HTR1F: variants seen among roughly 807,000 people sequenced by gnomAD.
The protein encoded by HTR1F is 5-hydroxytryptamine receptor 1F.
A neutral mutation model predicts 24.0 loss-of-function variants in HTR1F; 17 were observed. That is an observed-to-expected ratio of 0.71 (90% CI 0.48 to 1.06). The LOEUF is 1.06. Ranked by LOEUF, HTR1F falls within the 50% of genes least tolerant of loss-of-function variation. The pLI, the probability that HTR1F is intolerant of heterozygous loss-of-function variation, is 0.00. For synonymous variants in HTR1F, 186 were observed against 156.8 expected, an observed-to-expected ratio of 1.19 and a Z score of -1.39; for missense variants, 391 against 427.8, an observed-to-expected ratio of 0.91 and a Z score of 0.76.
intron 2 of HTR1F, among the ~76,000 whole-genome samples, chr3:87,987,615 AAT>A (rs10662382): frequency 1.5e-4 from 17 of 110,538 alleles, no homozygotes; most frequent in Admixed American, 4.2e-4. Flanking sequence ...AAAATACGGA[AAT>A]ATATATATAT....
intron 2 of HTR1F, among the ~76,000 whole-genome samples, chr3:87,979,029 AGG>A (rs1559656101): frequency 3.2e-4 from 1 of 3,150 alleles, no homozygotes; most frequent in Non-Finnish European, 1.3e-3. Context: ...GGAGGGAGGG[AGG>A]GAGGGAGGGG....
chr3:87,971,392 A>C (rs1705282745), intron 2 of HTR1F, among the ~76,000 whole-genome samples: 1 of 151,680 alleles, frequency 6.6e-6, no homozygotes, highest in African/African-American at 2.4e-5. Context: ...ACATGATAAA[A>C]CCCCGTTTCT....
In HTR1F at chr3:87,908,726, G is replaced by A. The variant is rs150259677; in HGVS notation, c.-42-81982G>A. ...CTTAATCATTGTCTACAGAATGAAT[G>A]GATGAATAAACTTGTGTGGGTATTT... On this transcript the variant is annotated intron_variant, in intron 2 of 2. Coordinates refer to ENST00000319595, the MANE Select transcript of HTR1F (RefSeq NM_001322209.2). Among the ~76,000 whole-genome samples, 3 of 152,050 alleles carry A rather than the reference G, an allele frequency of 2.0e-5. No individual in the cohort carries two copies. The East Asian group carries it at 5.8e-4, about 29-fold the overall frequency.
intron 2 of HTR1F, among the ~76,000 whole-genome samples, chr3:87,943,117 C>T (rs1704610414): frequency 6.6e-6 from 1 of 152,174 alleles, no homozygotes; most frequent in Non-Finnish European, 1.5e-5. Flanking sequence ...TCTCCATGTT[C>T]TGATTCTGTG....
intron 2 of HTR1F, among the ~76,000 whole-genome samples, chr3:87,976,284 T>C (rs1705393683): frequency 6.6e-6 from 1 of 152,176 alleles, no homozygotes. Flanking sequence ...ACAGTCTAGT[T>C]CCTGGTGCTA....
At position 87,990,793 on chromosome 3, in the gene HTR1F, A is replaced by C. The variant is rs778571759; in HGVS notation, c.44A>C (p.Glu15Ala). The C allele has an allele frequency of 6.2e-7, 1 of 1,613,772 alleles. No individual in the cohort carries two copies. The highest frequency in any genetic ancestry group is 1.3e-5 in the African/African-American group (1 of 75,024). Residue 15 changes from glutamate (E) to alanine (A), a missense_variant, in exon 3 of 3, where the codon GAA becomes GCA. Transcript: ENST00000319595. Reference protein sequence around the residue: ...NSSDQNLTSEELLNRMPSKIL... With the variant: ...NSSDQNLTSEALLNRMPSKIL... ...TCTGATCAAAACTTGACCTCAGAGG[A>C]ACTGTTAAACAGAATGCCATCCAAA... is the stretch of plus-strand genomic sequence containing the variant.
chr3:87,861,804 G>T (rs561729319), intron 2 of HTR1F, among the ~76,000 whole-genome samples: 165 of 151,842 alleles, frequency 1.1e-3, no homozygotes, highest in African/African-American at 3.9e-3. Flanking sequence ...TTATTTTTTA[G>T]GTATAATTCT....
chr3:87,891,732 C>G (rs1706091289), intron 2 of HTR1F, among the ~76,000 whole-genome samples: 1 of 152,190 alleles, frequency 6.6e-6, no homozygotes, highest in Middle Eastern at 3.2e-3. Flanking sequence ...TCACTGAACT[C>G]TTTTTCATGA....
chr3:87,948,948 A>G (rs778058188), intron 2 of HTR1F, among the ~76,000 whole-genome samples: 1 of 152,180 alleles, frequency 6.6e-6, no homozygotes, highest in Non-Finnish European at 1.5e-5. Context: ...AAACACTAAA[A>G]TCTTATTCAG....
At chr3:87,938,811 T>A (rs1704490646) in intron 2 of HTR1F, among the ~76,000 whole-genome samples, 1 of 152,096 alleles carries the variant, frequency 6.6e-6, no homozygotes, top group Non-Finnish European at 1.5e-5. Flanking sequence ...AAGACTTAAA[T>A]ATAAAACCTA....
chr3:87,829,179 G>A (rs899100123), intron 2 of HTR1F, among the ~76,000 whole-genome samples: 1 of 152,062 alleles, frequency 6.6e-6, no homozygotes, highest in African/African-American at 2.4e-5. Flanking sequence ...CCTTTTCAAA[G>A]AGAAAAGAAC....
intron 2 of HTR1F, among the ~76,000 whole-genome samples, chr3:87,902,866 G>A (rs1290309439): frequency 6.7e-6 from 1 of 150,176 alleles, no homozygotes; most frequent in African/African-American, 2.5e-5. Flanking sequence ...TTTTGTTCTT[G>A]CAACAGTTTA....
At chr3:87,947,406 G>A (rs1482854539) in intron 2 of HTR1F, among the ~76,000 whole-genome samples, 1 of 152,132 alleles carries the variant, frequency 6.6e-6, no homozygotes, top group Non-Finnish European at 1.5e-5. Flanking sequence ...TGCTCTCAAA[G>A]TCTGAAGTTG....
At chr3:87,952,210 T>A (rs2107463556) in intron 2 of HTR1F, among the ~76,000 whole-genome samples, 1 of 152,238 alleles carries the variant, frequency 6.6e-6, no homozygotes, top group East Asian at 1.9e-4. Flanking sequence ...AACATGTTTA[T>A]ATTTTACTAA....
At chr3:87,984,198 C>A (rs1234521487) in intron 2 of HTR1F, among the ~76,000 whole-genome samples, 2 of 152,208 alleles carry the variant, frequency 1.3e-5, no homozygotes, top group Non-Finnish European at 2.9e-5. Context: ...CCTGTACCTG[C>A]AAAGGCTTTC....
chr3:87,848,350 G>A (rs1445239181), intron 2 of HTR1F, among the ~76,000 whole-genome samples: 1 of 151,498 alleles, frequency 6.6e-6, no homozygotes, highest in Non-Finnish European at 1.5e-5. Context: ...TTGCCCTTTT[G>A]CCCATTTTTT....
chr3:87,962,192 C>T (rs1314383868), intron 2 of HTR1F, among the ~76,000 whole-genome samples: 3 of 151,900 alleles, frequency 2.0e-5, no homozygotes, highest in Admixed American at 2.0e-4. Context: ...AAAATTAGGA[C>T]CAGCCTGAGA....
intron 2 of HTR1F, among the ~76,000 whole-genome samples, chr3:87,853,735 G>T (rs1480618000): frequency 6.6e-6 from 1 of 151,936 alleles, no homozygotes; most frequent in African/African-American, 2.4e-5. Context: ...GTTATTTTTT[G>T]ACTTTCTAAT....
chr3:87,931,013 G>A (rs1346005198), intron 2 of HTR1F, among the ~76,000 whole-genome samples: 1 of 142,172 alleles, frequency 7.0e-6, no homozygotes, highest in African/African-American at 2.6e-5. Context: ...AGCATACTGT[G>A]CCATAGTCTT....
Sources: gnomAD v4.1 joint callset for allele counts (sites outside exome capture counted in the v4.1 genomes callset) on GRCh38, gnomAD v4.1.1 for gene constraint, MANE v1.5 for transcripts, NCBI Gene and HGNC (gene_info 2026-07-23, HGNC 2026-07-21) for gene names.